Variants in ZNF831 observed in about 807,000 individuals in gnomAD.
ZNF831 encodes the protein chromosome 20 open reading frame 174.
In ZNF831, 59 loss-of-function variants were observed where a neutral mutation model predicts 95.8. The ratio of observed to expected loss-of-function variants is 0.62; its 90% CI spans 0.50 to 0.77. The LOEUF is 0.77. ZNF831 is among the 30% of genes least tolerant of loss of function. The probability of loss-of-function intolerance (pLI) is 0.00; values close to 1 mark genes in which losing one functional copy is unlikely to be tolerated. For synonymous variants in ZNF831, 961 were observed against 925.5 expected, an observed-to-expected ratio of 1.04 and a Z score of -0.70; for missense variants, 2,205 against 2,164.0, an observed-to-expected ratio of 1.02 and a Z score of -0.38.
chr20:59,251,601 C>T (rs961106052), intron 4 of ZNF831, among the ~76,000 whole-genome samples: 4 of 152,092 alleles, frequency 2.6e-5, no homozygotes, highest in African/African-American at 4.8e-5. Flanking sequence ...AGGAAAGAGG[C>T]GAAGAGAATC....
intron 1 of ZNF831, among the ~76,000 whole-genome samples, chr20:59,172,634 C>T (rs1373199770): frequency 6.6e-6 from 1 of 152,120 alleles, no homozygotes; most frequent in African/African-American, 2.4e-5. Context: ...AGGGAAGCTC[C>T]AGCATTCCGG....
Position 59,192,388 on chromosome 20 carries a change from C to G in ZNF831, c.1369C>G (p.Arg457Gly), listed in dbSNP as rs1279975593. 4 of 1,612,058 alleles carry G rather than the reference C, an allele frequency of 2.5e-6. No homozygotes were observed. The highest frequency in any genetic ancestry group is 2.5e-6 in the Non-Finnish European group (3 of 1,179,572). Residue 457 changes from arginine (R) to glycine (G), a missense_variant, in exon 2 of 6, where the codon CGC becomes GGC. By Grantham distance (125) the Arg-to-Gly change is moderately radical. Coordinates refer to ENST00000371030, the MANE Select transcript of ZNF831 (RefSeq NM_178457.3). The surrounding 1 kb of genome is among the most constrained non-coding windows in gnomAD (Gnocchi z 5.2). ...CAAGGACTCCTTCCACTTTGACATC[C>G]GCGCGCTGGAGCCAGGCCGTAGGAG... ...TYKDSFHFDI[R>G]ALEPGRRRAP...
intron 3 of ZNF831, among the ~76,000 whole-genome samples, chr20:59,206,363 C>G (rs966811127): frequency 6.6e-6 from 1 of 152,198 alleles, no homozygotes; most frequent in African/African-American, 2.4e-5. Context: ...TAGGGCTCCT[C>G]CAGATGGAAG....
intron 1 of ZNF831, among the ~76,000 whole-genome samples, chr20:59,129,424 T>A (rs1979280592): frequency 6.6e-6 from 1 of 152,026 alleles, no homozygotes; most frequent in Non-Finnish European, 1.5e-5. Flanking sequence ...GTCAGGAGTT[T>A]GAGACCAGCC....
chr20:59,152,590 T>G (rs1980309917), intron 2 of ZNF831, among the ~76,000 whole-genome samples: 1 of 152,176 alleles, frequency 6.6e-6, no homozygotes, highest in Non-Finnish European at 1.5e-5. Flanking sequence ...GTTAAGCAAG[T>G]AATGATACAT....
intron 2 of ZNF831, among the ~76,000 whole-genome samples, chr20:59,155,405 C>A (rs1980483249): frequency 6.6e-6 from 1 of 152,140 alleles, no homozygotes. Context: ...CCTAGAGCAC[C>A]CTGATGTGAA....
chr20:59,238,780 C>T (rs1987149330), intron 4 of ZNF831, among the ~76,000 whole-genome samples: 1 of 152,180 alleles, frequency 6.6e-6, no homozygotes, highest in South Asian at 2.1e-4. Flanking sequence ...TTATTATCCA[C>T]CTCATGCTAT....
intron 1 of ZNF831, among the ~76,000 whole-genome samples, chr20:59,168,834 A>G (rs1253398804): frequency 1.3e-5 from 2 of 152,208 alleles, no homozygotes; most frequent in Non-Finnish European, 2.9e-5. Context: ...TTCTACATCA[A>G]TTGATATAAT....
At position 59,234,575 on chromosome 20, in the gene ZNF831, T is replaced by A. The variant is rs148555238; in HGVS notation, c.4028-18403T>A. On this transcript the variant is annotated intron_variant, in intron 4 of 5. Coordinates refer to ENST00000371030, the MANE Select transcript of ZNF831 (RefSeq NM_178457.3). ...GTAACATCCTAGAGGAAGAGCTGTATTGTCCAAGTCCCAGAGAATAAGGGA... is the reference window on the plus strand; with the variant it reads ...GTAACATCCTAGAGGAAGAGCTGTAATGTCCAAGTCCCAGAGAATAAGGGA... 7.9e-3 allele frequency among the ~76,000 whole-genome samples: 1,208 copies of A among 152,282 alleles called. 9 individuals are homozygous for A. The highest frequency in any genetic ancestry group is 0.011 in the Non-Finnish European group (747 of 68,020).
intron 3 of ZNF831, among the ~76,000 whole-genome samples, chr20:59,200,497 G>A (rs1453144887): frequency 6.6e-6 from 1 of 151,808 alleles, no homozygotes; most frequent in Non-Finnish European, 1.5e-5. Flanking sequence ...TTAATAAATT[G>A]CACATATTTA....
rs1983578230 is a variant in ZNF831, at chr20:59,191,931, G to A, written c.912G>A (p.Gln304=). The change falls in exon 2 of 6, where the codon CAG becomes CAA. Residue 304 remains glutamine (Q), a synonymous_variant. Transcript: ENST00000371030. ...STQPWRKLPE[Q]KSPTAGKPCA... ...AACCCTGGCGTAAGTTGCCAGAGCA[G>A]AAGTCGCCGACCGCCGGGAAGCCGT... 6.2e-7 allele frequency: 1 copy of A among 1,610,470 alleles called. No homozygotes were observed. Among genetic ancestry groups the A allele is most frequent in the Admixed American group, 1.7e-5 (1 of 59,884 alleles).
chr20:59,175,977 G>T (rs994109322), intron 1 of ZNF831, among the ~76,000 whole-genome samples: 4 of 152,210 alleles, frequency 2.6e-5, no homozygotes, highest in African/African-American at 9.7e-5. Context: ...GGAAGGCCCT[G>T]TTACCTCCTG....
chr20:59,250,698 G>A (rs1568797311), intron 4 of ZNF831, among the ~76,000 whole-genome samples: 1 of 152,106 alleles, frequency 6.6e-6, no homozygotes, highest in East Asian at 1.9e-4. Context: ...GAGGATGTTA[G>A]AGCTATGAAG....
At chr20:59,235,871 A>C (rs1432653284) in intron 4 of ZNF831, among the ~76,000 whole-genome samples, 1 of 152,238 alleles carries the variant, frequency 6.6e-6, no homozygotes, top group Non-Finnish European at 1.5e-5. Flanking sequence ...CCCAGTGAGC[A>C]AAAGGCCAGC....
chr20:59,212,768 G>A (rs906341362), intron 4 of ZNF831, among the ~76,000 whole-genome samples: 2 of 152,178 alleles, frequency 1.3e-5, no homozygotes, highest in Non-Finnish European at 2.9e-5. Context: ...GTGGGAACAT[G>A]AGAACTTTCC....
chr20:59,186,956 AG>A (rs1983099603), intron 1 of ZNF831, among the ~76,000 whole-genome samples: 1 of 151,286 alleles, frequency 6.6e-6, no homozygotes, highest in Non-Finnish European at 1.5e-5. Flanking sequence ...AAAAAAAAAA[AG>A]GACTGACTTG....
At chr20:59,194,897 G>A (rs950753840) in intron 2 of ZNF831, 140 bp downstream of exon 2, 1 of 1,258,552 alleles carries the variant, frequency 7.9e-7, no homozygotes, top group Non-Finnish European at 1.1e-6. Context: ...GAGGGAGGCT[G>A]GGGATACCAC....
chr20:59,179,528 C>G (rs142851481), intron 1 of ZNF831, among the ~76,000 whole-genome samples: 8 of 152,104 alleles, frequency 5.3e-5, no homozygotes, highest in African/African-American at 1.9e-4. Flanking sequence ...GAGGGGCCAC[C>G]CTCCCTCTAA....
intron 2 of ZNF831, among the ~76,000 whole-genome samples, chr20:59,153,984 G>A (rs1980392453): frequency 6.6e-6 from 1 of 152,152 alleles, no homozygotes; most frequent in Admixed American, 6.5e-5. Flanking sequence ...GACCCTAGAG[G>A]TGGTGGAGAC....
Sources: gnomAD v4.1 joint callset for allele counts (sites outside exome capture counted in the v4.1 genomes callset) on GRCh38, gnomAD v4.1.1 for gene constraint, Gnocchi (gnomAD v3.1) non-coding constraint, MANE v1.5 for transcripts, NCBI Gene and HGNC (gene_info 2026-07-23, HGNC 2026-07-21) for gene names.